Variants in AGBL1 observed in about 807,000 individuals in gnomAD.
AGBL1 encodes the protein cytosolic carboxypeptidase 4.
Under a neutral mutation model 118.9 loss-of-function variants are expected in AGBL1, and 130 were observed. The observed-to-expected ratio is 1.09, with a 90% CI of 0.95 to 1.26. The LOEUF (loss-of-function observed/expected upper bound fraction) is 1.26, where lower values mean the gene tolerates loss of function less well. Ranked by LOEUF, AGBL1 falls within the 50% of genes most tolerant of loss-of-function variation. AGBL1 has a pLI of 0.00. For missense variants in AGBL1, 1,584 were observed against 1,298.1 expected, an observed-to-expected ratio of 1.22 and a Z score of -3.38; for synonymous variants, 555 against 478.9, an observed-to-expected ratio of 1.16 and a Z score of -2.08.
At position 86,768,029 on chromosome 15, in the gene AGBL1, C is replaced by G. The variant is rs75294250; in HGVS notation, c.3158+93593C>G. On this transcript the variant is annotated intron_variant, in intron 22 of 22. Transcript: ENST00000614907. ...CCTTCTTAGATTGCTTTCATTTATA[C>G]AGAAAGAACTCATCACTGCAAGGTG... Among the ~76,000 whole-genome samples, 204 of 152,078 alleles carry G rather than the reference C, an allele frequency of 1.3e-3. 5 individuals carry two copies. In the East Asian group the frequency reaches 0.033, roughly 25 times the overall value.
intron 5 of AGBL1, among the ~76,000 whole-genome samples, chr15:86,208,490 T>C (rs1019357352): frequency 2.6e-5 from 4 of 152,240 alleles, no homozygotes; most frequent in African/African-American, 9.6e-5. Context: ...ATTGCCTCAA[T>C]TTCAGAGCCT....
At chr15:86,382,479 T>C (rs898810111) in intron 17 of AGBL1, among the ~76,000 whole-genome samples, 1 of 152,122 alleles carries the variant, frequency 6.6e-6, no homozygotes, top group African/African-American at 2.4e-5. Flanking sequence ...GGGCTCTTTC[T>C]TGTTGCCCAG....
At chr15:86,591,199 G>T (rs1320472044) in intron 21 of AGBL1, among the ~76,000 whole-genome samples, 3 of 152,188 alleles carry the variant, frequency 2.0e-5, no homozygotes, top group African/African-American at 4.8e-5. Flanking sequence ...CCTCTGAGGA[G>T]AAAAAATACA....
chr15:86,698,091 G>A (rs2086292931), intron 22 of AGBL1, among the ~76,000 whole-genome samples: 1 of 151,940 alleles, frequency 6.6e-6, no homozygotes, highest in Non-Finnish European at 1.5e-5. Context: ...CTGCAATTTA[G>A]TCCTGCCTCC....
At position 86,903,907 on chromosome 15, in the gene AGBL1, C is replaced by G. The variant is rs550438963; in HGVS notation, c.3159-3180C>G. Among the ~76,000 whole-genome samples, 19 of 152,328 alleles carry G rather than the reference C, an allele frequency of 1.2e-4. No homozygotes were observed. In the South Asian group the frequency reaches 3.9e-3, roughly 32 times the overall value. On this transcript the variant is annotated intron_variant, in intron 22 of 22. Transcript: ENST00000614907. ...CCTGTAGAGGTCCAGGTTCCCCACA[C>G]AACCTCCACTGATATTGAAGGGGAG...
chr15:86,421,284 C>A (rs540752965), intron 18 of AGBL1, among the ~76,000 whole-genome samples: 2 of 152,102 alleles, frequency 1.3e-5, no homozygotes, highest in African/African-American at 2.4e-5. Flanking sequence ...CCCTACAAGC[C>A]AGAAGAGAGT....
intron 17 of AGBL1, among the ~76,000 whole-genome samples, chr15:86,388,600 C>T (rs2081231422): frequency 2.6e-5 from 4 of 152,050 alleles, no homozygotes; most frequent in Admixed American, 2.6e-4. Context: ...CAAAGTCTTC[C>T]AATTCATACT....
intron 5 of AGBL1, among the ~76,000 whole-genome samples, chr15:86,184,693 G>C (rs757192201): frequency 3.9e-5 from 6 of 151,950 alleles, no homozygotes; most frequent in Non-Finnish European, 8.8e-5. Context: ...CTCTAACCTT[G>C]AAAATGGCCA....
intron 19 of AGBL1, among the ~76,000 whole-genome samples, chr15:86,541,608 AAAAAAAAAAGAG>A (rs2083496279): frequency 6.6e-6 from 1 of 150,892 alleles, no homozygotes; most frequent in African/African-American, 2.4e-5. Flanking sequence ...AAAAAAAAAA[AAAAAAAAAAGAG>A]AGAGAGAGAG....
chr15:87,027,865 C>G (rs982011782), intron 24 of AGBL1, among the ~76,000 whole-genome samples: 1 of 151,910 alleles, frequency 6.6e-6, no homozygotes, highest in African/African-American at 2.4e-5. Context: ...GGGAACAACA[C>G]ACACTGGGGC....
At chr15:86,327,699 G>A (rs1437561216) in intron 17 of AGBL1, among the ~76,000 whole-genome samples, 1 of 152,202 alleles carries the variant, frequency 6.6e-6, no homozygotes, top group African/African-American at 2.4e-5. Flanking sequence ...ATTCAGCTGA[G>A]TTTGTTAATT....
chr15:86,516,948 T>A (rs1372407726), intron 18 of AGBL1, among the ~76,000 whole-genome samples: 2 of 152,242 alleles, frequency 1.3e-5, no homozygotes, highest in South Asian at 2.1e-4. Context: ...GGTCGTGTGA[T>A]CTTTTGAATT....
intron 5 of AGBL1, among the ~76,000 whole-genome samples, chr15:86,204,907 C>G (rs750078234): frequency 1.3e-5 from 2 of 152,136 alleles, no homozygotes; most frequent in African/African-American, 4.8e-5. Context: ...TCTGAATCTA[C>G]ATTGGCACTT....
In AGBL1 at chr15:86,694,857, G is replaced by C. The variant is rs558915565; in HGVS notation, c.3158+20421G>C. 2.6e-5 allele frequency among the ~76,000 whole-genome samples: 4 copies of C among 152,090 alleles called. No individual in the cohort carries two copies. The South Asian group carries it at 8.3e-4, about 32-fold the overall frequency. ...TCTGCATCTATTGAGATGATCATGT[G>C]ATTTTTGTTTTGAATTCTGTTTATA... is the stretch of plus-strand genomic sequence containing the variant. On this transcript the variant is annotated intron_variant, in intron 22 of 22. Coordinates refer to ENST00000614907, the MANE Select transcript of AGBL1 (RefSeq NM_001386094.1).
At chr15:86,954,670 G>T (rs2080912960) in intron 23 of AGBL1, among the ~76,000 whole-genome samples, 1 of 152,162 alleles carries the variant, frequency 6.6e-6, no homozygotes, top group East Asian at 1.9e-4. Context: ...GAAGAGGAGA[G>T]CATGGTTAGA....
intron 18 of AGBL1, among the ~76,000 whole-genome samples, chr15:86,509,910 TAC>T (rs2083032222): frequency 6.6e-6 from 1 of 151,084 alleles, no homozygotes; most frequent in Non-Finnish European, 1.5e-5. Flanking sequence ...TGCTTAGGAT[TAC>T]ACTGTAGCAA....
At chr15:86,406,627 T>C (rs1337004571) in intron 18 of AGBL1, among the ~76,000 whole-genome samples, 1 of 152,190 alleles carries the variant, frequency 6.6e-6, no homozygotes, top group African/African-American at 2.4e-5. Context: ...TGAATCAAGC[T>C]GCCCAGAGAA....
chr15:86,622,722 A>G (rs1287783987), intron 21 of AGBL1, among the ~76,000 whole-genome samples: 1 of 152,248 alleles, frequency 6.6e-6, no homozygotes, highest in East Asian at 1.9e-4. Flanking sequence ...TTCACAGAGG[A>G]CAATTTTTCC....
intron 5 of AGBL1, among the ~76,000 whole-genome samples, chr15:86,174,132 G>C (rs1289829459): frequency 4.6e-5 from 7 of 151,982 alleles, no homozygotes; most frequent in Non-Finnish European, 1.5e-5. Context: ...TTCTTCATCA[G>C]TGTTTTGTAG....
Sources: gnomAD v4.1 joint callset for allele counts (sites outside exome capture counted in the v4.1 genomes callset) on GRCh38, gnomAD v4.1.1 for gene constraint, MANE v1.5 for transcripts, NCBI Gene and HGNC (gene_info 2026-07-23, HGNC 2026-07-21) for gene names.